The following EP300 variants were observed in gnomAD, a reference collection of about 807,000 sequenced individuals.
The protein encoded by EP300 is EP300 lysine acetyltransferase.
EP300 carries 31 observed loss-of-function variants against 264.0 expected under a neutral mutation model. The ratio of observed to expected loss-of-function variants is 0.12; its 90% confidence interval spans 0.09 to 0.16. The LOEUF is 0.16. Ranked by LOEUF, EP300 falls within the 10% of genes least tolerant of loss-of-function variation. The pLI, the probability that EP300 is intolerant of heterozygous loss-of-function variation, is 1.00. For synonymous variants in EP300, 1,340 were observed against 1,045.4 expected, an observed-to-expected ratio of 1.28 and a Z score of -5.44; for missense variants, 2,766 against 3,052.9, an observed-to-expected ratio of 0.91 and a Z score of 2.21.
intron 30 of EP300, 113 bp from the exon 31 acceptor site, chr22:41,176,660 G>A: frequency 6.2e-7 from 1 of 1,605,592 alleles, no homozygotes; most frequent in Non-Finnish European, 8.5e-7. Context: ...CAGAGCTGAA[G>A]AGGCTAGTTT....
At position 41,117,451 on chromosome 22, in the gene EP300, G is replaced by A. The variant is rs1303897359; in HGVS notation, c.359G>A (p.Ser120Asn). 7 of 1,614,090 alleles carry A rather than the reference G, an allele frequency of 4.3e-6. No homozygotes were observed. The highest frequency in any genetic ancestry group is 5.9e-6 in the Non-Finnish European group (7 of 1,179,938). The change falls in exon 2 of 31, where the codon AGC (serine) becomes AAC (asparagine). Residue 120 changes from serine to asparagine, a missense_variant. Ser to Asn is a conservative substitution (Grantham distance 46, BLOSUM62 1). Coordinates refer to ENST00000263253, the MANE Select transcript of EP300 (RefSeq NM_001429.4). ...AGTCCTGGATTAGGTTTGATAAATA[G>A]CATGGTCAAAAGCCCAATGACACAG... The part of the protein sequence containing the change: ...QSSPGLGLIN[S>N]MVKSPMTQAG...
At chr22:41,131,919 C>T (rs980734979) in intron 6 of EP300, among the ~76,000 whole-genome samples, 2 of 151,776 alleles carry the variant, frequency 1.3e-5, no homozygotes, top group African/African-American at 2.4e-5. Context: ...GTAGACGGGC[C>T]GGGCATGGTG....
intron 1 of EP300, among the ~76,000 whole-genome samples, chr22:41,093,689 T>G (rs945766477): frequency 1.6e-4 from 24 of 152,354 alleles, no homozygotes; most frequent in African/African-American, 5.3e-4. Context: ...TCTTATTTGC[T>G]TTAAGAATCA....
chr22:41,171,718 G>T (rs5751060), intron 27 of EP300, among the ~76,000 whole-genome samples: 91,949 of 150,918 alleles, frequency 0.61, 28,646 homozygotes, highest in East Asian at 0.83. Context: ...TTCAAGTGAT[G>T]GTCCTACCTC....
chr22:41,094,944 T>TTA (rs2058694034), intron 1 of EP300, among the ~76,000 whole-genome samples: 1 of 152,188 alleles, frequency 6.6e-6, no homozygotes, highest in African/African-American at 2.4e-5. Flanking sequence ...TATCTTTGAA[T>TTA]AATTACAAGA....
In EP300 at chr22:41,179,820, C is replaced by G; in HGVS notation, c.*864C>G. 4.5e-6 allele frequency: 1 copy of G among 223,392 alleles called. No individual in the cohort carries two copies. Among genetic ancestry groups the G allele is most frequent in the Non-Finnish European group, 8.9e-6 (1 of 112,562 alleles). 13.8% of individuals were successfully genotyped at this position (223,392 alleles called of 1,614,324 possible). On this transcript the variant is annotated 3_prime_UTR_variant, in exon 31 of 31. Coordinates refer to ENST00000263253, the MANE Select transcript of EP300 (RefSeq NM_001429.4). Reference sequence around the variant, plus strand: ...ATTCCGGTGGGATGATTTTAACATGCAAAATGTCCCTGGGGGTTTCTTCTT... The same window carrying G: ...ATTCCGGTGGGATGATTTTAACATGGAAAATGTCCCTGGGGGTTTCTTCTT...
In EP300 at chr22:41,092,644, C is replaced by T; in HGVS notation, c.-361C>T. On this transcript the variant is annotated 5_prime_UTR_variant, in exon 1 of 31. Coordinates refer to ENST00000263253, the MANE Select transcript of EP300 (RefSeq NM_001429.4). ...GAAGAGGTTGATGGCGGCGGCGGAG[C>T]TCCGAGAGACCTCGGCTGGGCAGGG... 1.6e-6 allele frequency: 1 copy of T among 632,032 alleles called. No individual in the cohort carries two copies. The highest frequency in any genetic ancestry group is 2.9e-6 in the Non-Finnish European group (1 of 349,168). 39.2% of individuals were successfully genotyped at this position (632,032 alleles called of 1,614,324 possible).
intron 19 of EP300, 116 bp from the exon 20 acceptor site, chr22:41,160,526 T>C: frequency 2.4e-6 from 2 of 848,596 alleles, no homozygotes. Context: ...GTTGATGACC[T>C]GCTCTCTGCT....
chr22:41,116,192 A>G lies in EP300; in HGVS notation c.95-995A>G, dbSNP rs141372373. ...AAAATTTTATTTCAACTATTATGCT[A>G]ATTCTATAACATTATTTAGAATGTT... On this transcript the variant is annotated intron_variant, in intron 1 of 30. Transcript: ENST00000263253. Among the ~76,000 whole-genome samples the G allele has an allele frequency of 1.4e-3, 218 of 152,146 alleles. 2 individuals are homozygous for G. The highest frequency in any genetic ancestry group is 0.013 in the East Asian group (65 of 5,190).
At chr22:41,116,341 T>C (rs2145695251) in intron 1 of EP300, among the ~76,000 whole-genome samples, 1 of 152,272 alleles carries the variant, frequency 6.6e-6, no homozygotes, top group Non-Finnish European at 1.5e-5. Flanking sequence ...ACATTAGGTA[T>C]TTGTCCTAAT....
rs1435830772 is a variant in EP300, at chr22:41,151,875, C to A, written c.2860C>A (p.Pro954Thr). The stretch of plus-strand genomic sequence containing the variant: ...AAGCATTGAAGGACAGGTATCAAAT[C>A]CTCCATCTACTAGTAGCACAGAAGT... ...AVSIEGQVSN[P>T]PSTSSTEVNS... The change falls in exon 15 of 31, where the codon CCT becomes ACT. Residue 954 changes from proline to threonine, a missense_variant. Physicochemically the swap from Pro to Thr is conservative, Grantham distance 38. Coordinates refer to ENST00000263253, the MANE Select transcript of EP300 (RefSeq NM_001429.4). 1.9e-6 allele frequency: 3 copies of A among 1,614,130 alleles called. No homozygotes were observed. The highest frequency in any genetic ancestry group is 2.5e-6 in the Non-Finnish European group (3 of 1,180,020).
At chr22:41,171,374 T>C (rs2059169909) in intron 27 of EP300, among the ~76,000 whole-genome samples, 1 of 152,160 alleles carries the variant, frequency 6.6e-6, no homozygotes, top group African/African-American at 2.4e-5. Flanking sequence ...TCACTCTCTG[T>C]CACCCAGGCT....
chr22:41,100,911 C>T lies in EP300; in HGVS notation c.94+7813C>T, dbSNP rs115580936. Reference sequence around the variant, plus strand: ...ATATATCATATATATTATCATGTCACGTATACAAGACATCTTATATATCCT... The same window carrying T: ...ATATATCATATATATTATCATGTCATGTATACAAGACATCTTATATATCCT... On this transcript the variant is annotated intron_variant, in intron 1 of 30. Coordinates refer to ENST00000263253, the MANE Select transcript of EP300 (RefSeq NM_001429.4). Among the ~76,000 whole-genome samples, 1,159 of 151,916 alleles carry T rather than the reference C, an allele frequency of 7.6e-3. 14 individuals carry two copies. Among genetic ancestry groups the T allele is most frequent in the African/African-American group, 0.027 (1,109 of 41,358 alleles).
At chr22:41,119,848 G>A (rs917228148) in intron 2 of EP300, among the ~76,000 whole-genome samples, 2 of 152,060 alleles carry the variant, frequency 1.3e-5, no homozygotes, top group Admixed American at 1.3e-4. Flanking sequence ...ACCGAGTCTT[G>A]CTGTTGCCCA....
chr22:41,177,781 C>T lies in EP300; in HGVS notation c.6070C>T (p.Pro2024Ser). Residue 2024 changes from proline to serine, a missense_variant, in exon 31 of 31, where the codon CCT becomes TCT. Pro to Ser is a moderately conservative substitution (Grantham distance 74, BLOSUM62 -1). Coordinates refer to ENST00000263253, the MANE Select transcript of EP300 (RefSeq NM_001429.4). ...AMMSVAQHGQ[P>S]LNMAPQPGLG... ...GATGTCAGTGGCCCAGCATGGTCAA[C>T]CTTTGAACATGGCTCCACAACCAGG... 3 of 1,614,012 alleles carry T rather than the reference C, an allele frequency of 1.9e-6. No homozygotes were observed. The highest frequency in any genetic ancestry group is 2.5e-6 in the Non-Finnish European group (3 of 1,180,038).
chr22:41,134,689 C>T (rs1244878869), intron 6 of EP300, among the ~76,000 whole-genome samples: 3 of 152,118 alleles, frequency 2.0e-5, no homozygotes, highest in African/African-American at 7.2e-5. Flanking sequence ...TCCATGACAA[C>T]CAGTACTAAC....
chr22:41,134,141 G>C (rs2145718751), intron 6 of EP300, among the ~76,000 whole-genome samples: 1 of 140,686 alleles, frequency 7.1e-6, no homozygotes, highest in East Asian at 2.1e-4. Context: ...TTTATTACTT[G>C]GTCTGTTGAT....
intron 30 of EP300, 60 bp downstream of exon 30, chr22:41,176,588 T>C (rs1345005114): frequency 1.1e-5 from 17 of 1,610,654 alleles, no homozygotes; most frequent in Admixed American, 3.3e-5. Flanking sequence ...TGAGGGGCCA[T>C]GCAGCCACGT....
rs1021085704 is a variant in EP300 at position 41,179,187 on chromosome 22, C to T, written c.*231C>T. 5.2e-5 allele frequency: 30 copies of T among 573,526 alleles called. No individual in the cohort carries two copies. The highest frequency in any genetic ancestry group is 4.7e-4 in the Middle Eastern group (1 of 2,126). The allele number at this position is 573,526 out of a possible 1,614,324, so 35.5% of individuals were successfully genotyped here. The stretch of plus-strand genomic sequence containing the variant: ...TTATGGCTGGTTACCACCAGCCTTT[C>T]TTCCCCTTTGTGTGTGTGGTTCAAG... On this transcript the variant is annotated 3_prime_UTR_variant, in exon 31 of 31. Transcript: ENST00000263253.
Sources: gnomAD v4.1 joint callset for allele counts (sites outside exome capture counted in the v4.1 genomes callset) on GRCh38, gnomAD v4.1.1 for gene constraint, MANE v1.5 for transcripts, NCBI Gene and HGNC (gene_info 2026-07-23, HGNC 2026-07-21) for gene names.